KCNH8: variants seen among roughly 807,000 people sequenced by gnomAD.
The protein encoded by KCNH8 is potassium voltage-gated channel subfamily H member 8.
Under a neutral mutation model 103.6 loss-of-function variants are expected in KCNH8, and 70 were observed. The observed-to-expected ratio is 0.68, with a 90% CI of 0.56 to 0.82. KCNH8 has a LOEUF of 0.82. Among genes scored for constraint, KCNH8 ranks in the 40% least tolerant of loss-of-function variants. The pLI, the probability that KCNH8 is intolerant of heterozygous loss-of-function variation, is 0.00. For synonymous variants in KCNH8, 498 were observed against 489.4 expected, an observed-to-expected ratio of 1.02 and a Z score of -0.23; for missense variants, 1,217 against 1,329.9, an observed-to-expected ratio of 0.92 and a Z score of 1.32.
intron 3 of KCNH8, among the ~76,000 whole-genome samples, chr3:19,340,351 T>TG (rs1444442990): frequency 8.0e-6 from 1 of 125,696 alleles, no homozygotes; most frequent in Non-Finnish European, 1.7e-5. Flanking sequence ...TTTTATTTTT[T>TG]TTTTAATTTT....
intron 1 of KCNH8, among the ~76,000 whole-genome samples, chr3:19,200,511 C>CT (rs764002269): frequency 4.3e-4 from 63 of 144,866 alleles, no homozygotes; most frequent in South Asian, 1.8e-3. Flanking sequence ...TGATTTCCAC[C>CT]TTTTTTTTTT....
Position 19,395,035 on chromosome 3 carries a change from C to G in KCNH8, c.970-69C>G, listed in dbSNP as rs1368672299. The G allele has an allele frequency of 5.4e-6, 6 of 1,108,082 alleles. No individual in the cohort carries two copies. In the Admixed American group the frequency reaches 6.8e-5, roughly 13 times the overall value. The allele number at this position is 1,108,082 out of a possible 1,614,324, so 68.6% of individuals were successfully genotyped here. On this transcript the variant is annotated intron_variant, in intron 6 of 15. Coordinates refer to ENST00000328405, the MANE Select transcript of KCNH8 (RefSeq NM_144633.3). ...TTCATTTCCAGAATTTTTAGAATGG[C>G]TCCAAGTTAATGTTGTGGTATGAAT...
intron 7 of KCNH8, among the ~76,000 whole-genome samples, chr3:19,396,837 G>A (rs1269503108): frequency 6.6e-6 from 1 of 151,914 alleles, no homozygotes; most frequent in Non-Finnish European, 1.5e-5. Flanking sequence ...TACAGCATTA[G>A]ATCTCTGCCC....
intron 7 of KCNH8, among the ~76,000 whole-genome samples, chr3:19,396,008 A>C (rs1575012637): frequency 1.3e-5 from 2 of 152,052 alleles, no homozygotes; most frequent in East Asian, 3.9e-4. Flanking sequence ...ATTTATAGAA[A>C]ATGAAAATTC....
intron 5 of KCNH8, among the ~76,000 whole-genome samples, chr3:19,356,791 A>G (rs2065887127): frequency 6.6e-6 from 1 of 151,982 alleles, no homozygotes; most frequent in African/African-American, 2.4e-5. Context: ...TTGAGTTTAC[A>G]GTTAATATGA....
chr3:19,277,942 T>C (rs2064698226), intron 2 of KCNH8, among the ~76,000 whole-genome samples: 1 of 152,126 alleles, frequency 6.6e-6, no homozygotes, highest in Non-Finnish European at 1.5e-5. Flanking sequence ...TCTGCTCTTA[T>C]CATTCACATC....
In KCNH8 at chr3:19,347,909, C is replaced by T. The variant is rs772832316; in HGVS notation, c.755C>T (p.Ser252Phe). 1.9e-6 allele frequency: 3 copies of T among 1,613,242 alleles called. No homozygotes were observed. In the South Asian group the frequency reaches 3.3e-5, roughly 18 times the overall value. Residue 252 changes from serine (S) to phenylalanine (F), a missense_variant, in exon 5 of 16, where the codon TCC becomes TTC. Around this residue, in one of 3 missense-constraint regions of KCNH8, gnomAD observed 415 missense variants for 577.4 expected, o/e 0.72. Transcript: ENST00000328405. Reference protein sequence around the residue: ...NVCFIGNDDLSTTRSTTVSDI... With the variant: ...NVCFIGNDDLFTTRSTTVSDI... ...TGCTTTATTGGCAATGACGACCTGTCCACAACTCGGAGCACAACCGTCAGT... is the reference window on the plus strand; with the variant it reads ...TGCTTTATTGGCAATGACGACCTGTTCACAACTCGGAGCACAACCGTCAGT...
In KCNH8 at chr3:19,148,810, TGAAC is replaced by T. The variant is rs746060053; in HGVS notation, c.76+18_76+21del. 4.2e-5 allele frequency: 68 copies of T among 1,609,812 alleles called. 1 individual carries two copies. The highest frequency in any genetic ancestry group is 2.8e-4 in the Admixed American group (17 of 60,004). ...TGACGGAACACGTAAGTCTTACACT[TGAAC>T]GAGTGGTATGGCATTTTCTGAGACT... On this transcript the variant is annotated intron_variant, in intron 1 of 15. Transcript: ENST00000328405.
rs149643589 is a variant in KCNH8 at position 19,376,420 on chromosome 3, G to A, written c.812-14061G>A. On this transcript the variant is annotated intron_variant, in intron 5 of 15. Coordinates refer to ENST00000328405, the MANE Select transcript of KCNH8 (RefSeq NM_144633.3). ...GAAAGGGAACTCCCTGACCCCTTGCGCTTCCCGAGTGAGGCAATGCCTCTC... is the reference window on the plus strand; with the variant it reads ...GAAAGGGAACTCCCTGACCCCTTGCACTTCCCGAGTGAGGCAATGCCTCTC... Among the ~76,000 whole-genome samples the A allele has an allele frequency of 1.8e-4, 28 of 152,254 alleles. No homozygotes were observed. The East Asian group carries it at 1.9e-3, about 11-fold the overall frequency.
chr3:19,376,297 C>T (rs996743863), intron 5 of KCNH8, among the ~76,000 whole-genome samples: 11 of 152,332 alleles, frequency 7.2e-5, no homozygotes, highest in South Asian at 2.1e-4. Context: ...GATATAATCT[C>T]GTGGTGCGCC....
chr3:19,419,344 C>T (rs990509561), intron 7 of KCNH8, among the ~76,000 whole-genome samples: 7 of 151,400 alleles, frequency 4.6e-5, no homozygotes, highest in African/African-American at 1.5e-4. Flanking sequence ...GGACTACAGG[C>T]GCCCGCCACC....
intron 1 of KCNH8, among the ~76,000 whole-genome samples, chr3:19,169,911 A>G (rs2063324625): frequency 6.6e-6 from 1 of 152,196 alleles, no homozygotes. Context: ...TGATTTTATC[A>G]GTAAGATTAC....
At chr3:19,515,190 T>C (rs1041845714) in intron 13 of KCNH8, 132 bp from the exon 14 acceptor site, 1 of 450,686 alleles carries the variant, frequency 2.2e-6, no homozygotes, top group African/African-American at 2.0e-5. Flanking sequence ...GGCTAATGGT[T>C]ACTATATTGA....
intron 3 of KCNH8, among the ~76,000 whole-genome samples, chr3:19,334,404 C>T (rs546161830): frequency 1.5e-3 from 230 of 152,262 alleles, no homozygotes; most frequent in Non-Finnish European, 2.6e-3. Context: ...TGAATAGCCA[C>T]TGGACTCCAG....
intron 10 of KCNH8, among the ~76,000 whole-genome samples, chr3:19,454,832 C>A (rs556677996): frequency 5.9e-5 from 9 of 152,164 alleles, no homozygotes; most frequent in African/African-American, 2.2e-4. Context: ...GCTGCATGAC[C>A]ATTCTAAACA....
intron 1 of KCNH8, among the ~76,000 whole-genome samples, chr3:19,218,043 T>A (rs1428754354): frequency 6.6e-6 from 1 of 152,184 alleles, no homozygotes; most frequent in Non-Finnish European, 1.5e-5. Context: ...CAATCCAAAC[T>A]AGATTCTGAG....
intron 3 of KCNH8, among the ~76,000 whole-genome samples, chr3:19,323,252 A>G (rs1310284666): frequency 6.6e-6 from 1 of 152,072 alleles, no homozygotes; most frequent in East Asian, 1.9e-4. Context: ...GATCGAGACC[A>G]TCCTGGCTAA....
At chr3:19,430,975 T>C (rs1469824937) in intron 7 of KCNH8, among the ~76,000 whole-genome samples, 1 of 152,174 alleles carries the variant, frequency 6.6e-6, no homozygotes, top group Admixed American at 6.5e-5. Flanking sequence ...ATACGCTTCA[T>C]TTCTTTCTCT....
At chr3:19,201,554 G>T (rs909697065) in intron 1 of KCNH8, among the ~76,000 whole-genome samples, 5 of 151,994 alleles carry the variant, frequency 3.3e-5, no homozygotes, top group African/African-American at 1.2e-4. Flanking sequence ...TACTTTTTTT[G>T]ACTTTTTTTT....
Sources: allele counts gnomAD v4.1 joint callset (sites outside exome capture counted in the v4.1 genomes callset), GRCh38; gene constraint gnomAD v4.1.1; regional missense constraint gnomAD v4.1.1; transcripts MANE v1.5; gene names NCBI Gene and HGNC (gene_info 2026-07-23, HGNC 2026-07-21).